ARB2A: variants seen among roughly 807,000 people sequenced by gnomAD.
ARB2A encodes cotranscriptional regulator ARB2A.
At chr5:93,620,974 G>A in the ARB2A span, 1 of 1,600,414 alleles carries the variant, frequency 6.2e-7, no homozygotes, top group South Asian at 1.1e-5. Flanking sequence ...CTCCCCCGTC[G>A]CGCTCGCTCC....
the ARB2A span, among the ~76,000 whole-genome samples, chr5:93,721,503 AG>A: frequency 6.6e-6 from 1 of 152,186 alleles, no homozygotes; most frequent in African/African-American, 2.4e-5. Flanking sequence ...TGTTAGTTTG[AG>A]GCAAGTACAT....
At chr5:94,030,544 C>T in the ARB2A span, among the ~76,000 whole-genome samples, 1 of 152,192 alleles carries the variant, frequency 6.6e-6, no homozygotes, top group Admixed American at 6.5e-5. Context: ...GTGGCTTCCA[C>T]TTCTGCTGCT....
chr5:93,949,313 A>G, the ARB2A span, among the ~76,000 whole-genome samples: 1 of 151,990 alleles, frequency 6.6e-6, no homozygotes, highest in African/African-American at 2.4e-5. Context: ...CTGTAATCCC[A>G]GCACTTTGGG....
the ARB2A span, among the ~76,000 whole-genome samples, chr5:94,061,767 T>C: frequency 1.3e-5 from 2 of 152,198 alleles, no homozygotes; most frequent in Non-Finnish European, 2.9e-5. Context: ...TGCTGAAAAT[T>C]ACAGAGTGCT....
chr5:93,942,745 A>G, the ARB2A span, among the ~76,000 whole-genome samples: 2 of 151,978 alleles, frequency 1.3e-5, no homozygotes, highest in African/African-American at 2.4e-5. Context: ...AACAAAAATA[A>G]AGAGAAAAAC....
the ARB2A span, among the ~76,000 whole-genome samples, chr5:94,083,806 C>CA: frequency 6.8e-6 from 1 of 147,004 alleles, no homozygotes; most frequent in Non-Finnish European, 1.5e-5. Flanking sequence ...CAAAAAGAAT[C>CA]AAAAAACAAG....
chr5:93,788,683 C>G, the ARB2A span, among the ~76,000 whole-genome samples: 13 of 152,204 alleles, frequency 8.5e-5, no homozygotes, highest in Admixed American at 8.5e-4. Context: ...GATTCCTTTA[C>G]TTCTGCCAAA....
the ARB2A span, among the ~76,000 whole-genome samples, chr5:94,092,589 T>C: frequency 6.6e-6 from 1 of 152,226 alleles, no homozygotes; most frequent in Non-Finnish European, 1.5e-5. Flanking sequence ...TATAATGTTA[T>C]TCCATTTCAG....
chr5:93,667,800 T>A, the ARB2A span, among the ~76,000 whole-genome samples: 1 of 152,318 alleles, frequency 6.6e-6, no homozygotes, highest in Non-Finnish European at 1.5e-5. Context: ...CTAGTGATAT[T>A]CATTAGTTTT....
the ARB2A span, among the ~76,000 whole-genome samples, chr5:93,750,059 CTT>C: frequency 2.6e-5 from 4 of 152,242 alleles, no homozygotes; most frequent in East Asian, 7.7e-4. Flanking sequence ...GCCTAATACT[CTT>C]TATACCCTTG....
chr5:94,106,889 A>C, the ARB2A span, among the ~76,000 whole-genome samples: 6 of 151,106 alleles, frequency 4.0e-5, no homozygotes, highest in Non-Finnish European at 7.4e-5. Context: ...AAAAAAAAAA[A>C]AAACAAATAC....
chr5:94,084,533 A>C, the ARB2A span, among the ~76,000 whole-genome samples: 3 of 152,166 alleles, frequency 2.0e-5, no homozygotes, highest in African/African-American at 7.2e-5. Context: ...TTTTCACAGA[A>C]CTTGAAAAAC....
At chr5:93,973,831 G>C in the ARB2A span, among the ~76,000 whole-genome samples, 1 of 152,150 alleles carries the variant, frequency 6.6e-6, no homozygotes, top group African/African-American at 2.4e-5. Context: ...ACAAACAAAA[G>C]AGAAATACAG....
At chr5:93,783,530 AGCTGAAGAGCCACTAG>A in the ARB2A span, among the ~76,000 whole-genome samples, 2 of 152,204 alleles carry the variant, frequency 1.3e-5, no homozygotes, top group Admixed American at 6.5e-5. Context: ...CTATGGTGTC[AGCTGAAGAGCCACTAG>A]GTATTCTATT....
the ARB2A span, among the ~76,000 whole-genome samples, chr5:93,937,068 T>C: frequency 6.7e-6 from 1 of 150,242 alleles, no homozygotes; most frequent in African/African-American, 2.5e-5. Context: ...AGAGGCAGGG[T>C]TTCACTGTGT....
the ARB2A span, among the ~76,000 whole-genome samples, chr5:94,051,521 A>C: frequency 0.014 from 2,180 of 152,322 alleles, 56 homozygotes; most frequent in African/African-American, 0.049. Flanking sequence ...AATCAAGAAG[A>C]ATAGGCAAGG....
the ARB2A span, among the ~76,000 whole-genome samples, chr5:93,696,271 A>G: frequency 6.6e-6 from 1 of 152,176 alleles, no homozygotes; most frequent in Admixed American, 6.6e-5. Flanking sequence ...CTCCATTCAC[A>G]TCAGTGATGC....
chr5:93,674,529 G>C, the ARB2A span, among the ~76,000 whole-genome samples: 1 of 152,156 alleles, frequency 6.6e-6, no homozygotes, highest in African/African-American at 2.4e-5. Flanking sequence ...ATAGCAAATA[G>C]AATAAAATGA....
At chr5:94,001,821 A>C in the ARB2A span, among the ~76,000 whole-genome samples, 1 of 152,032 alleles carries the variant, frequency 6.6e-6, no homozygotes, top group Admixed American at 6.6e-5. Flanking sequence ...GATGCTTGCT[A>C]TGTCTCATCA....
Sources: gnomAD v4.1 joint callset for allele counts (sites outside exome capture counted in the v4.1 genomes callset) on GRCh38, gnomAD v4.1.1 for gene constraint, MANE v1.5 for transcripts, NCBI Gene and HGNC (gene_info 2026-07-23, HGNC 2026-07-21) for gene names.